The following ZNF106 variants were observed in gnomAD, a reference collection of about 807,000 sequenced individuals.
The protein encoded by ZNF106 is zinc finger protein 106, also known as SH3-domain binding protein 3.
Under a neutral mutation model 195.1 loss-of-function variants are expected in ZNF106, and 67 were observed. That is an observed-to-expected ratio of 0.34 (90% CI 0.28 to 0.42). The LOEUF is 0.42. Ranked by LOEUF, ZNF106 falls within the 10% of genes least tolerant of loss-of-function variation. The pLI is 1.00. For synonymous variants in ZNF106, 784 were observed against 818.6 expected (o/e 0.96, Z 0.72); for missense variants, 2,118 against 2,304.5 (o/e 0.92, Z 1.66).
intron 2 of ZNF106, among the ~76,000 whole-genome samples, chr15:42,469,539 A>G (rs969627313): frequency 3.3e-5 from 5 of 152,192 alleles, no homozygotes; most frequent in Non-Finnish European, 7.4e-5. Context: ...GCTTTCAAAA[A>G]TCATTAGAAA....
chr15:42,466,647 CTCTATGCTAGATAAGAAAGTTTTA>C (rs2056523062), intron 2 of ZNF106, among the ~76,000 whole-genome samples: 1 of 152,194 alleles, frequency 6.6e-6, no homozygotes, highest in Non-Finnish European at 1.5e-5. Context: ...AACAGAGCCT[CTCTATGCTAGATAAGAAAGTTTTA>C]AAAAAATACT....
chr15:42,418,868 G>A (rs941516251), intron 20 of ZNF106, among the ~76,000 whole-genome samples: 1 of 151,628 alleles, frequency 6.6e-6, no homozygotes, highest in African/African-American at 2.4e-5. Context: ...ATTTTTTTAA[G>A]CTATAATTTT....
chr15:42,423,873 G>C, intron 17 of ZNF106, 125 bp downstream of exon 17: 1 of 838,144 alleles, frequency 1.2e-6, no homozygotes, highest in Non-Finnish European at 1.8e-6. Flanking sequence ...ATATGCACAG[G>C]GATGATTACG....
At chr15:42,474,733 G>C (rs2056750839) in intron 1 of ZNF106, among the ~76,000 whole-genome samples, 1 of 152,120 alleles carries the variant, frequency 6.6e-6, no homozygotes, top group African/African-American at 2.4e-5. Flanking sequence ...CCCTGGGTAA[G>C]AGTAAGGCTC....
intron 20 of ZNF106, 50 bp downstream of exon 20, chr15:42,421,011 G>A (rs1239377284): frequency 6.5e-7 from 1 of 1,544,868 alleles, no homozygotes; most frequent in South Asian, 1.1e-5. Flanking sequence ...ATTAGCCTAG[G>A]GTGAAGCAAC....
In ZNF106 at chr15:42,453,899, C is replaced by T. The variant is rs569282725; in HGVS notation, c.318-1945G>A. ...ATGGCATGTATTCTTATTATTCCTA[C>T]TTTATAGATGAGAAATTGAGCAGTA... On this transcript the variant is annotated intron_variant, in intron 4 of 21. Coordinates refer to ENST00000564754, the MANE Select transcript of ZNF106 (RefSeq NM_001366845.3). Among the ~76,000 whole-genome samples, 3 of 152,232 alleles carry T rather than the reference C, an allele frequency of 2.0e-5. No homozygotes were observed. In the East Asian group the frequency reaches 5.8e-4, roughly 29 times the overall value.
At position 42,451,631 on chromosome 15, in the gene ZNF106, G is replaced by A. The variant is rs561549885; in HGVS notation, c.641C>T (p.Ala214Val). The A allele has an allele frequency of 7.4e-6, 12 of 1,614,072 alleles. No homozygotes were observed. The African/African-American group carries it at 1.2e-4, about 16-fold the overall frequency. Residue 214 changes from alanine (A) to valine (V), a missense_variant, in exon 5 of 22, where the codon GCA becomes GTA. Physicochemically the swap from Ala to Val is moderately conservative, Grantham distance 64. Coordinates refer to ENST00000564754, the MANE Select transcript of ZNF106 (RefSeq NM_001366845.3). ...TGTACCATTATGATTCCAATCTACT[G>A]CTCCACTATTTGAAAGCCAACCACC... ...SGGGWLSNSG[A>V]VDWNHNGTGR...
chr15:42,427,825 T>C (rs1307569912), intron 15 of ZNF106, 193 bp downstream of exon 15: 3 of 437,732 alleles, frequency 6.9e-6, no homozygotes, highest in African/African-American at 1.9e-5. Flanking sequence ...CCTGGAACAT[T>C]TGAGTAGAAG....
At chr15:42,457,410 ATCT>A (rs1386537331) in intron 3 of ZNF106, 3 of 1,366,744 alleles carry the variant, frequency 2.2e-6, no homozygotes, top group Non-Finnish European at 2.8e-6. Flanking sequence ...AGGAGGAGAA[ATCT>A]TCTTGAATTG....
At chr15:42,469,430 G>GT (rs1227510514) in intron 2 of ZNF106, among the ~76,000 whole-genome samples, 2 of 151,738 alleles carry the variant, frequency 1.3e-5, no homozygotes, top group African/African-American at 2.4e-5. Flanking sequence ...TGTGACTTTT[G>GT]TTTTTTTTAA....
chr15:42,466,098 A>C lies in ZNF106; in HGVS notation c.71T>G (p.Met24Arg). 6.5e-7 allele frequency: 1 copy of C among 1,529,940 alleles called. No homozygotes were observed. The highest frequency in any genetic ancestry group is 8.7e-7 in the Non-Finnish European group (1 of 1,144,086). The allele number at this position is 1,529,940 out of a possible 1,614,324, so 94.8% of individuals were successfully genotyped here. Residue 24 changes from methionine (M) to arginine (R), a missense_variant, in exon 3 of 22, where the codon ATG (methionine) becomes AGG (arginine). By Grantham distance (91) the Met-to-Arg change is moderately conservative. Transcript: ENST00000564754. ...YSSKKEMDEHMRSMLHHRELE... is the reference protein window; with the variant it reads ...YSSKKEMDEHRRSMLHHRELE... The stretch of plus-strand genomic sequence containing the variant: ...TTCCCTGTGATGCAACATGCTCCGC[A>C]TGTGTTCGTCCATCTCCTTCAAAAT...
intron 1 of ZNF106, among the ~76,000 whole-genome samples, chr15:42,487,805 AC>A (rs1167901633): frequency 1.3e-5 from 2 of 151,740 alleles, no homozygotes; most frequent in Non-Finnish European, 2.9e-5. Flanking sequence ...CCCTCCCTCA[AC>A]CCCTAGCAAC....
intron 19 of ZNF106, 31 bp downstream of exon 19, chr15:42,421,886 G>A (rs2141261049): frequency 1.3e-6 from 2 of 1,501,730 alleles, no homozygotes; most frequent in East Asian, 4.6e-5. Context: ...ACATTCAAAA[G>A]CAAATATCTT....
chr15:42,422,436 A>C, intron 18 of ZNF106, 65 bp downstream of exon 18: 1 of 1,566,000 alleles, frequency 6.4e-7, no homozygotes, highest in Non-Finnish European at 8.6e-7. Context: ...ATCAAAAATC[A>C]ACACTAAACC....
chr15:42,455,250 T>A (rs1203292671), intron 4 of ZNF106, among the ~76,000 whole-genome samples: 1 of 152,224 alleles, frequency 6.6e-6, no homozygotes, highest in Non-Finnish European at 1.5e-5. Flanking sequence ...GCTTTGGATT[T>A]TGGAATATTT....
At position 42,438,609 on chromosome 15, in the gene ZNF106, T is replaced by C; in HGVS notation, c.4600+3A>G. 1 of 1,612,884 alleles carries C rather than the reference T, an allele frequency of 6.2e-7. No homozygotes were observed. The highest frequency in any genetic ancestry group is 1.1e-5 in the South Asian group (1 of 90,924). On this transcript the variant is annotated splice_donor_region_variant and intron_variant, in intron 12 of 21. Coordinates refer to ENST00000564754, the MANE Select transcript of ZNF106 (RefSeq NM_001366845.3). Reference sequence around the variant, plus strand: ...AACTTAAATAAAACTGAACAGCAAATACCTGAAGAATTCTTTGATCCTTTT... The same window carrying C: ...AACTTAAATAAAACTGAACAGCAAACACCTGAAGAATTCTTTGATCCTTTT...
chr15:42,489,093 A>AACACACACACACAC (rs368303436), intron 1 of ZNF106, among the ~76,000 whole-genome samples: 23 of 142,474 alleles, frequency 1.6e-4, no homozygotes, highest in African/African-American at 6.0e-4. Context: ...AAAAAAAAAC[A>AACACACACACACAC]ACACACACAC....
intron 15 of ZNF106, among the ~76,000 whole-genome samples, chr15:42,426,049 A>G (rs915631802): frequency 1.3e-5 from 2 of 152,200 alleles, no homozygotes; most frequent in African/African-American, 4.8e-5. Context: ...GCAGAAAGCG[A>G]CAGCTGGGAG....
At chr15:42,437,522 C>A (rs1417304058) in intron 12 of ZNF106, 145 bp from the exon 13 acceptor site, 3 of 861,134 alleles carry the variant, frequency 3.5e-6, no homozygotes, top group East Asian at 5.4e-5. Flanking sequence ...CAGACTACTA[C>A]AATTTTCAAT....
Sources: allele counts gnomAD v4.1 joint callset (sites outside exome capture counted in the v4.1 genomes callset), GRCh38; gene constraint gnomAD v4.1.1; transcripts MANE v1.5; gene names NCBI Gene and HGNC (gene_info 2026-07-23, HGNC 2026-07-21).